PINX1: variants seen among roughly 807,000 people sequenced by gnomAD.
PINX1 encodes PIN2 (TERF1) interacting telomerase inhibitor 1.
A neutral mutation model predicts 25.4 loss-of-function variants in PINX1; 34 were observed. The ratio of observed to expected loss-of-function variants is 1.34; its 90% confidence interval spans 1.02 to 1.78. The LOEUF (loss-of-function observed/expected upper bound fraction) is 1.78, where lower values mean the gene tolerates loss of function less well. Among genes scored for constraint, PINX1 ranks in the 40% most tolerant of loss-of-function variants. The pLI, the probability that PINX1 is intolerant of heterozygous loss-of-function variation, is 0.00. For synonymous variants in PINX1, 197 were observed against 147.7 expected (o/e 1.33, Z -2.42); for missense variants, 592 against 404.9 (o/e 1.46, Z -3.97).
intron 6 of PINX1, among the ~76,000 whole-genome samples, chr8:10,789,645 T>C (rs896704135): frequency 6.6e-6 from 1 of 152,198 alleles, no homozygotes; most frequent in Non-Finnish European, 1.5e-5. Context: ...AAACAACACA[T>C]GTCACAGGCC....
intron 6 of PINX1, among the ~76,000 whole-genome samples, chr8:10,786,512 C>G (rs975261879): frequency 3.3e-5 from 5 of 152,150 alleles, no homozygotes; most frequent in African/African-American, 1.2e-4. Flanking sequence ...CTCAGCGTGG[C>G]TGCAGCATAG....
At chr8:10,773,942 A>T (rs926149079) in intron 6 of PINX1, among the ~76,000 whole-genome samples, 1 of 152,260 alleles carries the variant, frequency 6.6e-6, no homozygotes, top group Non-Finnish European at 1.5e-5. Context: ...CCAGAGCTGG[A>T]GATGATCAAT....
chr8:10,807,916 G>C (rs1007555596), intron 6 of PINX1, among the ~76,000 whole-genome samples: 1 of 152,082 alleles, frequency 6.6e-6, no homozygotes, highest in African/African-American at 2.4e-5. Context: ...TAAGAGAGAG[G>C]TCTCCTGGGA....
At chr8:10,770,144 C>G (rs529654193) in intron 6 of PINX1, among the ~76,000 whole-genome samples, 5 of 152,202 alleles carry the variant, frequency 3.3e-5, no homozygotes, top group African/African-American at 1.2e-4. Context: ...AACCTTCCAC[C>G]CAGGCAAGAA....
At chr8:10,776,064 G>A (rs750724982) in intron 6 of PINX1, among the ~76,000 whole-genome samples, 3 of 152,138 alleles carry the variant, frequency 2.0e-5, no homozygotes, top group Non-Finnish European at 4.4e-5. Context: ...CACAATTCTA[G>A]CATTCATTAT....
chr8:10,778,562 G>T (rs1246608931), intron 6 of PINX1, among the ~76,000 whole-genome samples: 1 of 152,110 alleles, frequency 6.6e-6, no homozygotes, highest in African/African-American at 2.4e-5. Context: ...TGAAAAACTG[G>T]GCTGGATTCA....
At position 10,820,182 on chromosome 8, in the gene PINX1, T is replaced by G; in HGVS notation, c.471+11A>C. 1 of 1,564,574 alleles carries G rather than the reference T, an allele frequency of 6.4e-7. No individual in the cohort carries two copies. Among genetic ancestry groups the G allele is most frequent in the Non-Finnish European group, 8.8e-7 (1 of 1,135,336 alleles). ...TAAAGCGGAACACGGAAACTGTACG[T>G]GGCTTTATACCTCGGGAGTCTTCTT... On this transcript the variant is annotated intron_variant, in intron 6 of 6. Coordinates refer to ENST00000314787, the MANE Select transcript of PINX1 (RefSeq NM_017884.6).
At chr8:10,776,876 T>C (rs1232367877) in intron 6 of PINX1, among the ~76,000 whole-genome samples, 2 of 152,182 alleles carry the variant, frequency 1.3e-5, no homozygotes, top group African/African-American at 4.8e-5. Flanking sequence ...AAGGTCCCCC[T>C]TCTTCCTGTT....
At chr8:10,810,334 T>C (rs1028590660) in intron 6 of PINX1, among the ~76,000 whole-genome samples, 1 of 152,180 alleles carries the variant, frequency 6.6e-6, no homozygotes, top group African/African-American at 2.4e-5. Flanking sequence ...GGCATTTGTG[T>C]TGGAGGCCGG....
chr8:10,832,744 C>A (rs1473540038), intron 3 of PINX1, 148 bp downstream of exon 3: 2 of 520,616 alleles, frequency 3.8e-6, no homozygotes, highest in African/African-American at 3.9e-5. Context: ...TAGTGCCATG[C>A]ATTCAAAGCG....
At position 10,805,690 on chromosome 8, in the gene PINX1, T is replaced by C. The variant is rs74316606; in HGVS notation, c.471+14503A>G. Among the ~76,000 whole-genome samples the C allele has an allele frequency of 1.6e-3, 94 of 57,282 alleles. 4 individuals carry two copies. The highest frequency in any genetic ancestry group is 6.2e-3 in the African/African-American group (58 of 9,330). The allele number at this position is 57,282 out of a possible 152,430, so 37.6% of individuals were successfully genotyped here. On this transcript the variant is annotated intron_variant, in intron 6 of 6. Transcript: ENST00000314787. ...GGAGCACAGGAAGGGGCCACACTAG[T>C]GCTGAGTGGGTGACGGAGCACAGGA...
chr8:10,767,554 A>G (rs115187277), intron 6 of PINX1, among the ~76,000 whole-genome samples: 2,490 of 152,332 alleles, frequency 0.016, 60 homozygotes, highest in African/African-American at 0.057. Flanking sequence ...TTTGAGAAAA[A>G]TAAAAAAAAT....
chr8:10,787,969 T>G, intron 6 of PINX1: 1 of 365,284 alleles, frequency 2.7e-6, no homozygotes, highest in Non-Finnish European at 5.3e-6. Flanking sequence ...TGGGGAAACT[T>G]GAACATTGAC....
intron 6 of PINX1, among the ~76,000 whole-genome samples, chr8:10,813,158 G>C (rs1403554185): frequency 6.6e-6 from 1 of 152,188 alleles, no homozygotes; most frequent in Non-Finnish European, 1.5e-5. Flanking sequence ...TGGCTTGTTT[G>C]TGGGCTTATA....
chr8:10,775,388 G>T (rs1801355764), intron 6 of PINX1, among the ~76,000 whole-genome samples: 1 of 134,542 alleles, frequency 7.4e-6, no homozygotes, highest in South Asian at 2.6e-4. Flanking sequence ...AGGGGTAAAG[G>T]ATTAGTTCTG....
chr8:10,819,039 A>G (rs1356107480), intron 6 of PINX1, among the ~76,000 whole-genome samples: 1 of 152,220 alleles, frequency 6.6e-6, no homozygotes, highest in Non-Finnish European at 1.5e-5. Context: ...GCCGGATGTC[A>G]GAGCGGCTCC....
chr8:10,787,954 A>G (rs1004736102), intron 6 of PINX1: 7 of 369,920 alleles, frequency 1.9e-5, no homozygotes, highest in Non-Finnish European at 2.6e-5. Flanking sequence ...AAGTTATTAG[A>G]CAACTGGGGA....
chr8:10,829,515 T>A (rs947611817), intron 4 of PINX1, among the ~76,000 whole-genome samples: 2 of 152,084 alleles, frequency 1.3e-5, no homozygotes, highest in Non-Finnish European at 2.9e-5. Context: ...CTGCTTCCAT[T>A]TAACCAAAGA....
chr8:10,793,071 G>C (rs1249774921), intron 6 of PINX1, among the ~76,000 whole-genome samples: 1 of 152,088 alleles, frequency 6.6e-6, no homozygotes, highest in Admixed American at 6.6e-5. Flanking sequence ...AACATCTACT[G>C]AGTGCCTACT....
Sources: gnomAD v4.1 joint callset for allele counts (sites outside exome capture counted in the v4.1 genomes callset) on GRCh38, gnomAD v4.1.1 for gene constraint, MANE v1.5 for transcripts, NCBI Gene and HGNC (gene_info 2026-07-23, HGNC 2026-07-21) for gene names.